The following LRRC4C variants were observed in gnomAD, a reference collection of about 807,000 sequenced individuals.
LRRC4C encodes leucine-rich repeat-containing protein 4C.
Under a neutral mutation model 33.6 loss-of-function variants are expected in LRRC4C, and 5 were observed. The ratio of observed to expected loss-of-function variants is 0.15; its 90% CI spans 0.08 to 0.31. The LOEUF (loss-of-function observed/expected upper bound fraction) is 0.31. Among genes scored for constraint, LRRC4C ranks in the 10% least tolerant of loss-of-function variants. LRRC4C has a pLI of 1.00. For missense variants in LRRC4C, 560 were observed against 796.7 expected (o/e 0.70, Z 3.58); for synonymous variants, 329 against 302.0 (o/e 1.09, Z -0.93).
At chr11:40,415,973 T>C (rs898848696) in intron 3 of LRRC4C, among the ~76,000 whole-genome samples, 5 of 152,322 alleles carry the variant, frequency 3.3e-5, no homozygotes, top group Middle Eastern at 3.4e-3. Flanking sequence ...TGCTTTTATA[T>C]TTGAAGTTAA....
At chr11:41,095,577 C>A (rs1368973674) in intron 1 of LRRC4C, among the ~76,000 whole-genome samples, 5 of 152,250 alleles carry the variant, frequency 3.3e-5, no homozygotes, top group African/African-American at 1.2e-4. Flanking sequence ...TTGGACCTGC[C>A]TTTTTCTGAG....
chr11:40,583,411 G>T (rs1395922342), intron 3 of LRRC4C, among the ~76,000 whole-genome samples: 1 of 152,172 alleles, frequency 6.6e-6, no homozygotes, highest in Non-Finnish European at 1.5e-5. Context: ...CTTTAATGGT[G>T]CCGCTTTCCT....
intron 1 of LRRC4C, among the ~76,000 whole-genome samples, chr11:41,141,516 C>T (rs932999382): frequency 1.3e-5 from 2 of 152,060 alleles, no homozygotes; most frequent in Non-Finnish European, 2.9e-5. Context: ...ATGTCCCCAC[C>T]CAAATCTCAC....
At chr11:40,702,448 T>C (rs1295138446) in intron 2 of LRRC4C, among the ~76,000 whole-genome samples, 1 of 152,184 alleles carries the variant, frequency 6.6e-6, no homozygotes. Context: ...CCATTTTCTC[T>C]TTCCTTCTTT....
At chr11:41,108,501 A>AT (rs1167969359) in intron 1 of LRRC4C, among the ~76,000 whole-genome samples, 1 of 152,146 alleles carries the variant, frequency 6.6e-6, no homozygotes, top group Non-Finnish European at 1.5e-5. Context: ...CAAAGAGTCT[A>AT]TATTTTGTGG....
intron 4 of LRRC4C, among the ~76,000 whole-genome samples, chr11:40,291,009 C>T (rs1049628332): frequency 5.3e-5 from 8 of 152,068 alleles, no homozygotes; most frequent in Non-Finnish European, 1.0e-4. Flanking sequence ...GTGTGAGTCA[C>T]CTGTCTCATG....
intron 1 of LRRC4C, among the ~76,000 whole-genome samples, chr11:41,312,095 T>G (rs1259533815): frequency 6.6e-6 from 1 of 152,220 alleles, no homozygotes; most frequent in Non-Finnish European, 1.5e-5. Flanking sequence ...ATATGGAATC[T>G]GTTTTTCCTC....
At chr11:40,665,716 A>G (rs756990986) in intron 2 of LRRC4C, among the ~76,000 whole-genome samples, 3 of 152,078 alleles carry the variant, frequency 2.0e-5, no homozygotes, top group Non-Finnish European at 4.4e-5. Flanking sequence ...CAATTTAACA[A>G]TATCAGGAAA....
At chr11:40,969,113 C>A (rs187972204) in intron 1 of LRRC4C, among the ~76,000 whole-genome samples, 1 of 152,084 alleles carries the variant, frequency 6.6e-6, no homozygotes, top group African/African-American at 2.4e-5. Flanking sequence ...GGAAGAAGTT[C>A]ATTTCAACCA....
At chr11:40,863,899 C>T (rs1954224661) in intron 2 of LRRC4C, among the ~76,000 whole-genome samples, 1 of 151,936 alleles carries the variant, frequency 6.6e-6, no homozygotes, top group Admixed American at 6.6e-5. Flanking sequence ...ATATTCTTTA[C>T]CAATACAAGC....
chr11:41,372,887 T>A (rs952604308), intron 1 of LRRC4C, among the ~76,000 whole-genome samples: 13 of 152,016 alleles, frequency 8.6e-5, no homozygotes, highest in African/African-American at 3.1e-4. Flanking sequence ...CTCTGAAAAA[T>A]TAACTGTAAT....
intron 1 of LRRC4C, among the ~76,000 whole-genome samples, chr11:41,261,872 T>A (rs1051441197): frequency 6.6e-6 from 1 of 152,136 alleles, no homozygotes; most frequent in Non-Finnish European, 1.5e-5. Context: ...AAAACCTATA[T>A]AAAGATTTTA....
At chr11:40,759,370 G>C (rs975784289) in intron 2 of LRRC4C, among the ~76,000 whole-genome samples, 1 of 150,842 alleles carries the variant, frequency 6.6e-6, no homozygotes, top group African/African-American at 2.4e-5. Context: ...GATAATTTAA[G>C]TGGTTATGTG....
At chr11:40,984,751 C>A (rs1317525209) in intron 1 of LRRC4C, among the ~76,000 whole-genome samples, 5 of 152,002 alleles carry the variant, frequency 3.3e-5, no homozygotes, top group Non-Finnish European at 7.4e-5. Flanking sequence ...AGAATAGAAT[C>A]ATCAACTTTC....
At chr11:40,602,763 C>T (rs957319261) in intron 3 of LRRC4C, among the ~76,000 whole-genome samples, 1 of 151,970 alleles carries the variant, frequency 6.6e-6, no homozygotes, top group African/African-American at 2.4e-5. Flanking sequence ...TAAAATAATC[C>T]GAAACAGCAG....
At chr11:40,280,289 C>T (rs1943383961) in intron 4 of LRRC4C, among the ~76,000 whole-genome samples, 1 of 152,192 alleles carries the variant, frequency 6.6e-6, no homozygotes, top group Non-Finnish European at 1.5e-5. Flanking sequence ...TTCTTGGCTT[C>T]AGTGAACAGC....
At chr11:40,785,814 A>G (rs775291500) in intron 2 of LRRC4C, among the ~76,000 whole-genome samples, 2 of 152,180 alleles carry the variant, frequency 1.3e-5, no homozygotes, top group Non-Finnish European at 2.9e-5. Flanking sequence ...GGCAAATTCT[A>G]CCTCAATTCT....
intron 1 of LRRC4C, among the ~76,000 whole-genome samples, chr11:41,029,937 T>C (rs1304492484): frequency 2.0e-5 from 3 of 151,728 alleles, no homozygotes; most frequent in African/African-American, 7.3e-5. Context: ...AATAGGTCCA[T>C]AAGAAAGATA....
chr11:41,011,056 A>T (rs186433970), intron 1 of LRRC4C, among the ~76,000 whole-genome samples: 85 of 152,324 alleles, frequency 5.6e-4, no homozygotes, highest in African/African-American at 2.0e-3. Flanking sequence ...ATACACTATA[A>T]GAGTAACTAC....
Sources: allele counts gnomAD v4.1 joint callset (sites outside exome capture counted in the v4.1 genomes callset), GRCh38; gene constraint gnomAD v4.1.1; transcripts MANE v1.5; gene names NCBI Gene and HGNC (gene_info 2026-07-23, HGNC 2026-07-21).